The following ATP10B variants were observed in gnomAD, a reference collection of about 807,000 sequenced individuals.
ATP10B encodes the protein ATPase phospholipid transporting 10B (putative).
ATP10B carries 122 observed loss-of-function variants against 141.2 expected under a neutral mutation model. The ratio of observed to expected loss-of-function variants is 0.86; its 90% CI spans 0.75 to 1.00. The LOEUF is 1.00. Ranked by LOEUF, ATP10B falls within the 50% of genes least tolerant of loss-of-function variation. The probability of loss-of-function intolerance (pLI) is 0.00; values close to 1 mark genes in which losing one functional copy is unlikely to be tolerated. For synonymous variants in ATP10B, 685 were observed against 692.0 expected (o/e 0.99, Z 0.16); for missense variants, 1,876 against 1,825.3 (o/e 1.03, Z -0.51).
chr5:160,704,328 A>G (rs567818717), intron 3 of ATP10B, among the ~76,000 whole-genome samples: 1 of 152,262 alleles, frequency 6.6e-6, no homozygotes, highest in East Asian at 1.9e-4. Context: ...AAGAGTTGGG[A>G]TTATAGGCAT....
intron 7 of ATP10B, among the ~76,000 whole-genome samples, chr5:160,665,286 TCA>T: frequency 6.6e-6 from 1 of 152,342 alleles, no homozygotes; most frequent in Non-Finnish European, 1.5e-5. Flanking sequence ...GTTTATAATT[TCA>T]TTTGAACCTA....
intron 2 of ATP10B, among the ~76,000 whole-genome samples, chr5:160,779,608 C>T (rs11949676): frequency 0.14 from 20,557 of 152,136 alleles, 1,463 homozygotes; most frequent in East Asian, 0.18. Flanking sequence ...CCCAGTTGAG[C>T]CTTCAGGTGG....
chr5:160,661,630 C>T (rs1364058251), intron 7 of ATP10B, among the ~76,000 whole-genome samples: 1 of 152,062 alleles, frequency 6.6e-6, no homozygotes. Context: ...TCATATTATT[C>T]TCTCCAGTTT....
the ATP10B span, among the ~76,000 whole-genome samples, chr5:160,903,224 T>G: frequency 1.2e-3 from 178 of 152,258 alleles, 1 homozygote; most frequent in South Asian, 0.032. Context: ...GACCCAAGAC[T>G]GGAACCTGGT....
At chr5:160,732,730 G>A (rs1018299917) in intron 2 of ATP10B, among the ~76,000 whole-genome samples, 1 of 152,104 alleles carries the variant, frequency 6.6e-6, no homozygotes, top group East Asian at 1.9e-4. Flanking sequence ...TCAGGTAGTG[G>A]GATGCCTCTA....
At chr5:160,587,940 G>C (rs193267325) in intron 24 of ATP10B, among the ~76,000 whole-genome samples, 1 of 152,300 alleles carries the variant, frequency 6.6e-6, no homozygotes, top group African/African-American at 2.4e-5. Flanking sequence ...CCAGGTCTCA[G>C]TTTAAGCAAT....
At chr5:160,818,968 G>C (rs1027180120) in intron 1 of ATP10B, among the ~76,000 whole-genome samples, 3 of 152,126 alleles carry the variant, frequency 2.0e-5, no homozygotes, top group African/African-American at 4.8e-5. Flanking sequence ...ATGGACACAG[G>C]AAAGGGAACA....
rs760170916 is a variant in ATP10B at position 160,606,937 on chromosome 5, C to T, written c.2988G>A (p.Leu996=). The T allele has an allele frequency of 6.2e-7, 1 of 1,614,142 alleles. No individual in the cohort carries two copies. Among genetic ancestry groups the T allele is most frequent in the South Asian group, 1.1e-5 (1 of 91,080 alleles). Residue 996 remains leucine (L), a synonymous_variant, in exon 19 of 26, where the codon TTG becomes TTA. Coordinates refer to ENST00000327245, the MANE Select transcript of ATP10B (RefSeq NM_025153.3). Reference sequence around the variant, plus strand: ...CATTCAATGTCTTCCCATCGATGACCAATCCAGCTTCTGGAACCACAGCTT... The same window carrying T: ...CATTCAATGTCTTCCCATCGATGACTAATCCAGCTTCTGGAACCACAGCTT... ...TSEAVVPEAG[L]VIDGKTLNAI... is the part of the protein sequence containing the mutation.
intron 2 of ATP10B, among the ~76,000 whole-genome samples, chr5:160,725,591 G>A (rs1744395577): frequency 6.6e-6 from 1 of 152,076 alleles, no homozygotes; most frequent in Admixed American, 6.5e-5. Context: ...GACTACAGGC[G>A]CCCGCCATCA....
chr5:160,696,802 T>C (rs1412198391), intron 3 of ATP10B, among the ~76,000 whole-genome samples: 3 of 152,340 alleles, frequency 2.0e-5, no homozygotes, highest in South Asian at 2.1e-4. Flanking sequence ...TTCCTATCCA[T>C]GCACCCAAGC....
chr5:160,597,314 A>C (rs1280384899), intron 22 of ATP10B, among the ~76,000 whole-genome samples: 3 of 152,228 alleles, frequency 2.0e-5, no homozygotes, highest in Admixed American at 2.0e-4. Flanking sequence ...CTTTTTAATA[A>C]ATGGTGCTGG....
At chr5:160,782,003 T>C (rs148166933) in intron 2 of ATP10B, among the ~76,000 whole-genome samples, 1 of 152,212 alleles carries the variant, frequency 6.6e-6, no homozygotes, top group East Asian at 1.9e-4. Flanking sequence ...TACATTTCAA[T>C]TGCTGTGGGA....
intron 1 of ATP10B, among the ~76,000 whole-genome samples, chr5:160,818,941 T>C (rs537270617): frequency 4.6e-5 from 7 of 152,158 alleles, no homozygotes; most frequent in Non-Finnish European, 5.9e-5. Context: ...TAGGTGGGAA[T>C]TGAACAATGA....
intron 1 of ATP10B, among the ~76,000 whole-genome samples, chr5:160,830,970 AACACAC>A (rs779765993): frequency 7.1e-5 from 5 of 70,662 alleles, no homozygotes; most frequent in East Asian, 7.6e-4. Flanking sequence ...TACATACACA[AACACAC>A]ACACACACAC....
At chr5:160,640,421 T>C (rs1467158037) in intron 10 of ATP10B, 40 bp downstream of exon 10, 1 of 1,592,900 alleles carries the variant, frequency 6.3e-7, no homozygotes, top group Non-Finnish European at 8.6e-7. Flanking sequence ...CCCAAATAAA[T>C]CGATTACTGT....
chr5:160,817,532 A>G (rs1222453487), intron 1 of ATP10B, among the ~76,000 whole-genome samples: 1 of 152,214 alleles, frequency 6.6e-6, no homozygotes, highest in Non-Finnish European at 1.5e-5. Context: ...TTCCATGCTC[A>G]TGGGTAGGAA....
At chr5:160,750,137 GTA>G (rs1561814636) in intron 2 of ATP10B, among the ~76,000 whole-genome samples, 1 of 152,164 alleles carries the variant, frequency 6.6e-6, no homozygotes, top group Non-Finnish European at 1.5e-5. Context: ...TTGCTCTTAC[GTA>G]CCCCATATTG....
At chr5:160,783,562 T>TACAC (rs57796332) in intron 2 of ATP10B, among the ~76,000 whole-genome samples, 13,004 of 131,112 alleles carry the variant, frequency 0.099, 670 homozygotes, top group African/African-American at 0.12. Context: ...ATATATATGA[T>TACAC]ACACACACAC....
chr5:160,822,946 C>T (rs1330175182), intron 1 of ATP10B, among the ~76,000 whole-genome samples: 1 of 130,142 alleles, frequency 7.7e-6, no homozygotes, highest in East Asian at 2.3e-4. Context: ...AGACCTAGTA[C>T]TTATTAACAC....
Sources: allele counts gnomAD v4.1 joint callset (sites outside exome capture counted in the v4.1 genomes callset), GRCh38; gene constraint gnomAD v4.1.1; transcripts MANE v1.5; gene names NCBI Gene and HGNC (gene_info 2026-07-23, HGNC 2026-07-21).